The following LINC00237 variants were observed in gnomAD, a reference collection of about 807,000 sequenced individuals.
LINC00237 encodes the protein long intergenic non-protein coding RNA 237.
chr20:21,091,068 T>A (rs2030786628), intron 2 of LINC00237, among the ~76,000 whole-genome samples: 1 of 151,968 alleles, frequency 6.6e-6, no homozygotes, highest in Admixed American at 6.6e-5. Flanking sequence ...TGCGTGTGTG[T>A]GTGTGTGTGT....
At chr20:21,097,266 T>C (rs1030058377) in intron 1 of LINC00237, among the ~76,000 whole-genome samples, 7 of 152,076 alleles carry the variant, frequency 4.6e-5, no homozygotes, top group South Asian at 4.2e-4. Context: ...AAATGAAAGG[T>C]GACAGGTTTA....
At chr20:21,086,894 T>A (rs2030717711) in intron 3 of LINC00237, among the ~76,000 whole-genome samples, 1 of 135,716 alleles carries the variant, frequency 7.4e-6, no homozygotes, top group Admixed American at 7.5e-5. Flanking sequence ...ATATATGTAC[T>A]ATATATAGTA....
chr20:21,095,253 T>C (rs747682902), intron 1 of LINC00237, among the ~76,000 whole-genome samples: 1 of 152,042 alleles, frequency 6.6e-6, no homozygotes, highest in East Asian at 1.9e-4. Context: ...GAGAAACCCA[T>C]GCTAGGGTAC....
intron 3 of LINC00237, among the ~76,000 whole-genome samples, chr20:21,086,013 G>A (rs1259392414): frequency 2.6e-5 from 4 of 152,188 alleles, no homozygotes; most frequent in African/African-American, 7.2e-5. Context: ...AGCTGCACAC[G>A]CAGTGCATTT....
chr20:21,093,722 C>A (rs1290678648), exon 2 of LINC00237: 1 of 152,262 alleles, frequency 6.6e-6, no homozygotes, highest in African/African-American at 2.4e-5. Flanking sequence ...TTCAGAATGT[C>A]TCCCGGACTA....
intron 1 of LINC00237, among the ~76,000 whole-genome samples, chr20:21,096,539 G>A (rs1285436584): frequency 6.6e-6 from 1 of 152,230 alleles, no homozygotes. Context: ...AAATGATGAC[G>A]AGTGGCAGAC....
intron 1 of LINC00237, among the ~76,000 whole-genome samples, chr20:21,099,317 A>G (rs1173340259): frequency 3.3e-5 from 5 of 150,786 alleles, no homozygotes; most frequent in Non-Finnish European, 7.4e-5. Context: ...TTATGTATTT[A>G]TATTTGAAAT....
In LINC00237 at chr20:21,099,665, T is replaced by A. The variant is rs548985560; in HGVS notation, n.89-5813A>T. Among the ~76,000 whole-genome samples the A allele has an allele frequency of 7.9e-5, 12 of 152,246 alleles. No individual in the cohort carries two copies. The South Asian group carries it at 1.9e-3, about 24-fold the overall frequency. On this transcript the variant is annotated intron_variant and non_coding_transcript_variant, in intron 1 of 3. Transcript: ENST00000691244. ...TGATGACCCAGGCGCCCTTCTTTTT[T>A]TATATATATAAGGGTTAGAGTTATT... is the stretch of plus-strand genomic sequence containing the variant.
At position 21,095,285 on chromosome 20, in the gene LINC00237, G is replaced by A. The variant is rs895316624; in HGVS notation, n.89-1433C>T. Among the ~76,000 whole-genome samples the A allele has an allele frequency of 3.9e-5, 6 of 152,178 alleles. No individual in the cohort carries two copies. In the East Asian group the frequency reaches 1.2e-3, roughly 29 times the overall value. ...GTACAGAATGATTAGAGGTCATGTG[G>A]AGACAGGCCCTGGGAGGTGAGAGAG... is the stretch of plus-strand genomic sequence containing the variant. On this transcript the variant is annotated intron_variant and non_coding_transcript_variant, in intron 1 of 3. Coordinates refer to ENST00000691244, the Ensembl canonical transcript of LINC00237.
At chr20:21,089,682 G>A (rs1029776461) in intron 2 of LINC00237, 1 of 152,196 alleles carries the variant, frequency 6.6e-6, no homozygotes, top group Non-Finnish European at 1.5e-5. Context: ...AGCAAACAAT[G>A]TCCAATTAAT....
exon 1 of LINC00237, chr20:21,106,293 G>GCTCGCCAAGC (rs1182838133): frequency 6.6e-6 from 1 of 152,286 alleles, no homozygotes; most frequent in Non-Finnish European, 1.5e-5. Context: ...CAGACCCACC[G>GCTCGCCAAGC]CTCGCCAAGC....
intron 2 of LINC00237, among the ~76,000 whole-genome samples, chr20:21,091,413 G>A (rs6137258): frequency 0.13 from 19,382 of 152,118 alleles, 1,397 homozygotes; most frequent in East Asian, 0.31. Flanking sequence ...GAGTGGACTA[G>A]CAACTTGATT....
At chr20:21,090,157 T>C (rs2030772783) in intron 2 of LINC00237, 1 of 152,228 alleles carries the variant, frequency 6.6e-6, no homozygotes, top group Non-Finnish European at 1.5e-5. Flanking sequence ...GAATTGCATT[T>C]GGTTCCGCTT....
chr20:21,097,052 G>A (rs2030867928), intron 1 of LINC00237, among the ~76,000 whole-genome samples: 1 of 152,224 alleles, frequency 6.6e-6, no homozygotes, highest in Non-Finnish European at 1.5e-5. Flanking sequence ...AGGAGAGGGA[G>A]AGGAAAGAAC....
chr20:21,097,153 A>G (rs2030869435), intron 1 of LINC00237, among the ~76,000 whole-genome samples: 1 of 152,210 alleles, frequency 6.6e-6, no homozygotes, highest in Admixed American at 6.5e-5. Flanking sequence ...CCAATTATCC[A>G]CAGGCCGACA....
At chr20:21,094,132 T>C (rs1265143215) in intron 1 of LINC00237, among the ~76,000 whole-genome samples, 3 of 152,166 alleles carry the variant, frequency 2.0e-5, no homozygotes, top group Non-Finnish European at 4.4e-5. Context: ...TCACTTATGC[T>C]GGGAGGATTT....
intron 3 of LINC00237, among the ~76,000 whole-genome samples, chr20:21,086,625 A>ATATAG: frequency 4.6e-5 from 1 of 21,694 alleles, no homozygotes; most frequent in South Asian, 1.3e-3. Context: ...AGTATACTAT[A>ATATAG]TATAGTATAC....
chr20:21,087,263 C>T (rs1020520883), intron 3 of LINC00237, among the ~76,000 whole-genome samples: 1 of 151,894 alleles, frequency 6.6e-6, no homozygotes, highest in Non-Finnish European at 1.5e-5. Flanking sequence ...TTTTTCTTTT[C>T]CTTCTTTCCT....
intron 1 of LINC00237, among the ~76,000 whole-genome samples, chr20:21,102,957 C>T (rs1394178970): frequency 1.3e-5 from 2 of 152,246 alleles, no homozygotes; most frequent in African/African-American, 2.4e-5. Context: ...CTCCTTCTGT[C>T]AGCAGCTGGA....
Sources: gnomAD v4.1 joint callset for allele counts (sites outside exome capture counted in the v4.1 genomes callset) on GRCh38, gnomAD v4.1.1 for gene constraint, MANE v1.5 for transcripts, NCBI Gene and HGNC (gene_info 2026-07-23, HGNC 2026-07-21) for gene names.